Variants in CRIP1 observed in about 807,000 individuals in gnomAD.
CRIP1 encodes the protein cysteine rich protein 1.
CRIP1 carries 11 observed loss-of-function variants against 12.9 expected under a neutral mutation model. The ratio of observed to expected loss-of-function variants is 0.86; its 90% CI spans 0.54 to 1.42. The LOEUF is 1.42. Among genes scored for constraint, CRIP1 ranks in the 40% most tolerant of loss-of-function variants. CRIP1 has a pLI of 0.00. For synonymous variants in CRIP1, 41 were observed against 37.2 expected (o/e 1.10, Z -0.37); for missense variants, 122 against 101.3 (o/e 1.20, Z -0.88).
At chr14:105,487,544 C>A (rs1382625047) in intron 2 of CRIP1, 11 of 486,330 alleles carry the variant, frequency 2.3e-5, no homozygotes, top group Admixed American at 4.2e-5. Flanking sequence ...TGAGCCTCCC[C>A]GTCTCTGGGT....
rs782172537 is a variant in CRIP1, at chr14:105,488,254, C to T, written c.129C>T (p.His43=). The T allele has an allele frequency of 1.9e-5, 31 of 1,613,352 alleles. No individual in the cohort carries two copies. Among genetic ancestry groups the T allele is most frequent in the South Asian group, 1.5e-4 (14 of 91,092 alleles). Residue 43 remains histidine (H), a synonymous_variant, in exon 3 of 6, where the codon CAC becomes CAT. Transcript: ENST00000392531. ...KCGKTLTSGG[H]AEHEGKPYCN... ...GGAAGACGCTGACCTCTGGGGGCCA[C>T]GCTGAGGTAGGTGGGACCCACCCTG... is the stretch of plus-strand genomic sequence containing the variant.
chr14:105,487,352 GGCTGGGGAC>G, intron 2 of CRIP1, 53 bp downstream of exon 2: 1 of 1,492,830 alleles, frequency 6.7e-7, no homozygotes, highest in Non-Finnish European at 9.1e-7. Flanking sequence ...GGGGCGACGA[GGCTGGGGAC>G]CGCTCAGGAG....
chr14:105,487,919 C>T, intron 2 of CRIP1: 2 of 538,074 alleles, frequency 3.7e-6, no homozygotes, highest in East Asian at 6.2e-5. Context: ...GCAAGATTCC[C>T]GGCCGCACCC....
intron 3 of CRIP1, 35 bp downstream of exon 3, chr14:105,488,295 G>A: frequency 3.7e-6 from 6 of 1,613,438 alleles, no homozygotes; most frequent in Non-Finnish European, 5.1e-6. Flanking sequence ...AGGGGCCAGG[G>A]GTGATGGCAC....
intron 2 of CRIP1, chr14:105,487,557 T>TA: frequency 2.2e-6 from 1 of 456,106 alleles, no homozygotes; most frequent in Non-Finnish European, 3.9e-6. Context: ...CTCTGGGTCC[T>TA]ACGGTCTCTG....
Position 105,487,209 on chromosome 14 carries a change from G to T in CRIP1, c.-51G>T. The T allele has an allele frequency of 6.5e-7, 1 of 1,537,384 alleles. No individual in the cohort carries two copies. Among genetic ancestry groups the T allele is most frequent in the Non-Finnish European group, 8.8e-7 (1 of 1,141,918 alleles). ...GCCGGATCCACCCAGTCTCGCGCCT[G>T]CAGCCCGTGCCGCCCCAGCCGCTGC... On this transcript the variant is annotated 5_prime_UTR_variant, in exon 2 of 6. Coordinates refer to ENST00000392531, the MANE Select transcript of CRIP1 (RefSeq NM_001311.5).
chr14:105,487,898 A>G (rs1210822267), intron 2 of CRIP1: 6 of 507,912 alleles, frequency 1.2e-5, no homozygotes, highest in African/African-American at 1.2e-4. Flanking sequence ...AGCCCCACCC[A>G]GCCTTCAGGA....
chr14:105,488,104 C>A, intron 2 of CRIP1, 62 bp from the exon 3 acceptor site: 1 of 1,538,606 alleles, frequency 6.5e-7, no homozygotes, highest in Non-Finnish European at 8.9e-7. Context: ...GGCGGGTACG[C>A]CAGTGGTGGG....
In CRIP1 at chr14:105,488,668, G is replaced by A. The variant is rs781962611; in HGVS notation, c.*11G>A. ...GCCTGTCTCTCTCTGCACAGGTGGT[G>A]GAGACCCCATCCTTGGCTGCTTGCA... On this transcript the variant is annotated 3_prime_UTR_variant, in exon 6 of 6. Transcript: ENST00000392531. 2 of 825,654 alleles carry A rather than the reference G, an allele frequency of 2.4e-6. No individual in the cohort carries two copies. Among genetic ancestry groups the A allele is most frequent in the Non-Finnish European group, 3.8e-6 (2 of 519,722 alleles). The allele number at this position is 825,654 out of a possible 1,614,324, so 51.1% of individuals were successfully genotyped here. A position where few individuals can be genotyped will look rare whatever the true frequency, so the allele number is the denominator to read the frequency against.
At position 105,487,269 on chromosome 14, in the gene CRIP1, TG is replaced by T. The variant is rs2141772212; in HGVS notation, c.11del (p.Cys4PhefsTer14). ...CGGACCCGGAGCCGTCATGCCCAAG[TG>T]TCCCAAGTGCAACAAGGAGGTGTAC... is the stretch of plus-strand genomic sequence containing the variant. MPK[C>X]PKCNKEVYFA... On this transcript the variant is annotated frameshift_variant, in exon 2 of 6. Coordinates refer to ENST00000392531, the MANE Select transcript of CRIP1 (RefSeq NM_001311.5). LOFTEE classifies it high-confidence loss of function. The T allele has an allele frequency of 1.9e-6, 3 of 1,544,668 alleles. No homozygotes were observed. In the East Asian group the frequency reaches 7.4e-5, roughly 38 times the overall value.
At chr14:105,488,640 T>A in intron 5 of CRIP1, 23 bp from the exon 6 acceptor site, 1 of 999,180 alleles carries the variant, frequency 1.0e-6, no homozygotes, top group Non-Finnish European at 1.5e-6. Context: ...CACTCACGTC[T>A]GTGCCTGTCT....
At chr14:105,487,043 G>T in intron 1 of CRIP1, 71 bp downstream of exon 1, 1 of 1,362,192 alleles carries the variant, frequency 7.3e-7, no homozygotes, top group Non-Finnish European at 9.5e-7. Flanking sequence ...CTGAAGGCGG[G>T]GGTGGACCAG....
rs200883038 is a variant in CRIP1, at chr14:105,488,359, C to A, written c.164C>A (p.Pro55His). ...GAAGGCAAACCCTACTGCAACCACCCCTGCTACGCAGCCATGTTTGGGCCT... is the reference window on the plus strand; with the variant it reads ...GAAGGCAAACCCTACTGCAACCACCACTGCTACGCAGCCATGTTTGGGCCT... The part of the protein sequence containing the change: ...EHEGKPYCNH[P>H]CYAAMFGPKG... Residue 55 changes from proline to histidine, a missense_variant, in exon 4 of 6, where the codon CCC (proline) becomes CAC (histidine). Transcript: ENST00000392531. The A allele has an allele frequency of 8.4e-5, 136 of 1,613,382 alleles. 1 individual carries two copies. Among genetic ancestry groups the A allele is most frequent in the Middle Eastern group, 1.7e-4 (1 of 6,050 alleles).
At chr14:105,487,826 G>A (rs2084135485) in intron 2 of CRIP1, 1 of 311,020 alleles carries the variant, frequency 3.2e-6, no homozygotes, top group East Asian at 5.9e-5. Context: ...GCTGAAAGCA[G>A]GCAGCCAGGC....
At position 105,487,158 on chromosome 14, in the gene CRIP1, C is replaced by T. The variant is rs909065540; in HGVS notation, c.-61-41C>T. On this transcript the variant is annotated intron_variant, in intron 1 of 5. Transcript: ENST00000392531. ...GCGGGGTCTCCAAGGGGCGGGGTCC[C>T]GGGGTCCCTGAAAGGCGCGGACCAG... The T allele has an allele frequency of 6.1e-6, 9 of 1,486,744 alleles. No individual in the cohort carries two copies. The Admixed American group carries it at 9.2e-5, about 15-fold the overall frequency. 92.1% of individuals were successfully genotyped at this position (1,486,744 alleles called of 1,614,324 possible). A position where few individuals can be genotyped will look rare whatever the true frequency, so the allele number is the denominator to read the frequency against.
chr14:105,488,631 A>T (rs977111713), intron 5 of CRIP1, 32 bp from the exon 6 acceptor site: 17 of 1,081,268 alleles, frequency 1.6e-5, no homozygotes, highest in Non-Finnish European at 2.2e-5. Flanking sequence ...TGGACGCTGC[A>T]CTCACGTCTG....
At position 105,488,173 on chromosome 14, in the gene CRIP1, G is replaced by A. The variant is rs1555438419; in HGVS notation, c.48G>A (p.Arg16=). The part of the protein sequence containing the change: ...KCNKEVYFAE[R]VTSLGKDWHR... ...CTGTCTGTGCCTCTGCAGCCGAGAG[G>A]GTGACCTCTCTGGGCAAGGACTGGC... The change falls in exon 3 of 6, where the codon AGG becomes AGA. Residue 16 remains arginine, a synonymous_variant. Coordinates refer to ENST00000392531, the MANE Select transcript of CRIP1 (RefSeq NM_001311.5). 1 of 1,612,642 alleles carries A rather than the reference G, an allele frequency of 6.2e-7. No individual in the cohort carries two copies. Among genetic ancestry groups the A allele is most frequent in the Admixed American group, 1.7e-5 (1 of 60,022 alleles).
Position 105,487,247 on chromosome 14 carries a change from A to C in CRIP1, c.-13A>C. ...CCCCAGCCGCTGCCGCCTGCACCGG[A>C]CCCGGAGCCGTCATGCCCAAGTGTC... On this transcript the variant is annotated 5_prime_UTR_variant, in exon 2 of 6. Transcript: ENST00000392531. 1.9e-6 allele frequency: 3 copies of C among 1,543,224 alleles called. No homozygotes were observed. Among genetic ancestry groups the C allele is most frequent in the East Asian group, 2.5e-5 (1 of 40,356 alleles).
chr14:105,488,364 T>C lies in CRIP1; in HGVS notation c.169T>C (p.Tyr57His), dbSNP rs1555438511. ...EGKPYCNHPC[Y>H]AAMFGPKGFG... The stretch of plus-strand genomic sequence containing the variant: ...CAAACCCTACTGCAACCACCCCTGC[T>C]ACGCAGCCATGTTTGGGCCTAAAGG... Residue 57 changes from tyrosine to histidine, a missense_variant, in exon 4 of 6, where the codon TAC becomes CAC. Coordinates refer to ENST00000392531, the MANE Select transcript of CRIP1 (RefSeq NM_001311.5). The C allele has an allele frequency of 6.2e-7, 1 of 1,613,438 alleles. No homozygotes were observed. Among genetic ancestry groups the C allele is most frequent in the East Asian group, 2.2e-5 (1 of 44,880 alleles).
Sources: allele counts gnomAD v4.1 joint callset, GRCh38; gene constraint gnomAD v4.1.1; transcripts MANE v1.5; gene names NCBI Gene and HGNC (gene_info 2026-07-23, HGNC 2026-07-21).